The following CELF1 variants were observed in gnomAD, a reference collection of about 807,000 sequenced individuals.
CELF1 encodes the protein 50 kDa nuclear polyadenylated RNA-binding protein.
CELF1 carries 10 observed loss-of-function variants against 61.8 expected under a neutral mutation model. That is an observed-to-expected ratio of 0.16 (90% CI 0.10 to 0.27). The LOEUF (loss-of-function observed/expected upper bound fraction) is 0.27. Ranked by LOEUF, CELF1 falls within the 10% of genes least tolerant of loss-of-function variation. The pLI, the probability that CELF1 is intolerant of heterozygous loss-of-function variation, is 1.00. For missense variants in CELF1, 380 were observed against 639.1 expected (o/e 0.59, Z 4.37); for synonymous variants, 236 against 225.1 (o/e 1.05, Z -0.43).
intron 1 of CELF1, among the ~76,000 whole-genome samples, chr11:47,547,498 T>A (rs1216403008): frequency 6.6e-6 from 1 of 151,632 alleles, no homozygotes; most frequent in Non-Finnish European, 1.5e-5. Context: ...GCCAAAATGG[T>A]GAAACCCCAT....
rs574196562 is a variant in CELF1 at position 47,534,837 on chromosome 11, G to C, written c.-154+18155C>G. ...TAAATGTGATGTTAAATTACGTTTA[G>C]GGAGATGAACTGCCACTCCCAGCTA... On this transcript the variant is annotated intron_variant, in intron 1 of 14. Coordinates refer to ENST00000687097, the MANE Select transcript of CELF1 (RefSeq NM_001376376.1). Among the ~76,000 whole-genome samples the C allele has an allele frequency of 8.5e-5, 13 of 152,168 alleles. No homozygotes were observed. In the East Asian group the frequency reaches 2.3e-3, roughly 27 times the overall value.
chr11:47,526,098 G>A (rs1223906823), intron 1 of CELF1, among the ~76,000 whole-genome samples: 1 of 152,104 alleles, frequency 6.6e-6, no homozygotes, highest in Non-Finnish European at 1.5e-5. Context: ...GGGAGGCCAA[G>A]GTGGGCAGAT....
chr11:47,553,132 C>G lies in CELF1; in HGVS notation c.-294G>C, dbSNP rs1020165522. 2 of 396,318 alleles carry G rather than the reference C, an allele frequency of 5.0e-6. No individual in the cohort carries two copies. Among genetic ancestry groups the G allele is most frequent in the Non-Finnish European group, 4.5e-6 (1 of 224,468 alleles). 24.6% of individuals were successfully genotyped at this position (396,318 alleles called of 1,614,324 possible). On this transcript the variant is annotated 5_prime_UTR_variant, in exon 1 of 15. Transcript: ENST00000687097. The stretch of plus-strand genomic sequence containing the variant: ...CTGCCGCTGCCGCCAGAGCAGAACA[C>G]CCCAAAATGGCGGCACTTCCGGCAC...
At position 47,466,695 on chromosome 11, in the gene CELF1, A is replaced by G. The variant is rs1263112546; in HGVS notation, c.*5535T>C. The stretch of plus-strand genomic sequence containing the variant: ...CAATCAGAGAGAGAAAAGGAAAAGG[A>G]AACAACGTCCAACATTTGGCATTTG... On this transcript the variant is annotated 3_prime_UTR_variant, in exon 15 of 15. Coordinates refer to ENST00000687097, the MANE Select transcript of CELF1 (RefSeq NM_001376376.1). 1 of 152,230 alleles carries G rather than the reference A, an allele frequency of 6.6e-6. No individual in the cohort carries two copies. The highest frequency in any genetic ancestry group is 6.5e-5 in the Admixed American group (1 of 15,286). 9.4% of individuals were successfully genotyped at this position (152,230 alleles called of 1,614,324 possible). A position where few individuals can be genotyped will look rare whatever the true frequency, so the allele number is the denominator to read the frequency against.
In CELF1 at chr11:47,547,090, A is replaced by G. The variant is rs1007895232; in HGVS notation, c.-154+5902T>C. On this transcript the variant is annotated intron_variant, in intron 1 of 14. Coordinates refer to ENST00000687097, the MANE Select transcript of CELF1 (RefSeq NM_001376376.1). ...CAAAAAAAAAAAAAAAAAAAAAAAA[A>G]AAAGAAAGAAAGAAAATGCTGTATA... 3.7e-4 allele frequency among the ~76,000 whole-genome samples: 54 copies of G among 145,630 alleles called. 1 individual carries two copies. Among genetic ancestry groups the G allele is most frequent in the Admixed American group, 1.8e-3 (25 of 14,138 alleles).
At chr11:47,480,090 T>C (rs115120139) in intron 9 of CELF1, among the ~76,000 whole-genome samples, 1 of 134,556 alleles carries the variant, frequency 7.4e-6, no homozygotes, top group African/African-American at 2.9e-5. Context: ...ACGTCTACAC[T>C]TTTTTTTTTT....
At chr11:47,546,134 T>A (rs1031213008) in intron 1 of CELF1, among the ~76,000 whole-genome samples, 1 of 151,466 alleles carries the variant, frequency 6.6e-6, no homozygotes, top group African/African-American at 2.4e-5. Flanking sequence ...ATGGTCTCGA[T>A]CTCCTGACCT....
chr11:47,552,868 C>A (rs1286814968), intron 1 of CELF1, 124 bp downstream of exon 1: 13 of 395,320 alleles, frequency 3.3e-5, no homozygotes, highest in Non-Finnish European at 5.8e-5. Flanking sequence ...CGAGAAAAGG[C>A]CGCGCCCGGA....
At chr11:47,512,549 A>C (rs1422448828) in intron 1 of CELF1, among the ~76,000 whole-genome samples, 2 of 150,270 alleles carry the variant, frequency 1.3e-5, no homozygotes, top group African/African-American at 4.9e-5. Flanking sequence ...CATGTTAGCC[A>C]GGGTGGTCTC....
At chr11:47,559,486 T>C (rs1170922483) in intron 2 of CELF1, among the ~76,000 whole-genome samples, 1 of 151,900 alleles carries the variant, frequency 6.6e-6, no homozygotes, top group Non-Finnish European at 1.5e-5. Context: ...GCCTCCCAAG[T>C]AGCTGGGACT....
intron 1 of CELF1, among the ~76,000 whole-genome samples, chr11:47,538,458 A>G (rs1208430382): frequency 7.9e-5 from 12 of 152,058 alleles, no homozygotes; most frequent in Admixed American, 7.9e-4. Context: ...CCTGGCCAAC[A>G]CGGTGAAACC....
chr11:47,510,390 C>T (rs1261346705), intron 1 of CELF1, among the ~76,000 whole-genome samples: 1 of 152,170 alleles, frequency 6.6e-6, no homozygotes, highest in African/African-American at 2.4e-5. Flanking sequence ...TTACATAGCA[C>T]GTGCTAGATC....
intron 1 of CELF1, among the ~76,000 whole-genome samples, chr11:47,517,312 T>C (rs1303752283): frequency 2.7e-5 from 4 of 150,166 alleles, no homozygotes; most frequent in Non-Finnish European, 5.9e-5. Flanking sequence ...ATCCCAGTTC[T>C]AGAAATATAG....
rs150017688 is a variant in CELF1 at position 47,552,365 on chromosome 11, A to G, written c.-154+627T>C. The stretch of plus-strand genomic sequence containing the variant: ...AATCAAAGCCTGGTCCCTAGCGAAG[A>G]AAGCGCTTTAATGTGCTCCTCCCGC... On this transcript the variant is annotated intron_variant, in intron 1 of 14. Transcript: ENST00000687097. Among the ~76,000 whole-genome samples the G allele has an allele frequency of 6.6e-4, 100 of 152,356 alleles. 1 individual carries two copies. The highest frequency in any genetic ancestry group is 2.4e-3 in the African/African-American group (98 of 41,590).
At chr11:47,492,826 G>A (rs1260617664) in intron 3 of CELF1, among the ~76,000 whole-genome samples, 1 of 152,176 alleles carries the variant, frequency 6.6e-6, no homozygotes, top group Non-Finnish European at 1.5e-5. Flanking sequence ...CATTTTACTA[G>A]AATGTTGCTA....
At chr11:47,534,218 T>C (rs1002626884) in intron 1 of CELF1, among the ~76,000 whole-genome samples, 1 of 150,976 alleles carries the variant, frequency 6.6e-6, no homozygotes, top group African/African-American at 2.4e-5. Context: ...CTAGTAGAGA[T>C]GGGGTTTCAC....
intron 1 of CELF1, among the ~76,000 whole-genome samples, chr11:47,544,996 G>T (rs1299839625): frequency 6.6e-6 from 1 of 151,958 alleles, no homozygotes; most frequent in African/African-American, 2.4e-5. Context: ...AAGAATCAAA[G>T]AATAGGCCAG....
upstream of CELF1, chr11:47,553,180 A>T (rs917399280): frequency 5.4e-5 from 21 of 392,490 alleles, no homozygotes; most frequent in Non-Finnish European, 8.6e-5. Context: ...GGGAGGGCAG[A>T]GGAGGAGGGG....
At chr11:47,508,207 C>G (rs1487647460) in intron 1 of CELF1, among the ~76,000 whole-genome samples, 1 of 152,136 alleles carries the variant, frequency 6.6e-6, no homozygotes, top group Non-Finnish European at 1.5e-5. Context: ...AGATGGTAGA[C>G]AGCAAGTTAA....
Sources: allele counts gnomAD v4.1 joint callset (sites outside exome capture counted in the v4.1 genomes callset), GRCh38; gene constraint gnomAD v4.1.1; transcripts MANE v1.5; gene names NCBI Gene and HGNC (gene_info 2026-07-23, HGNC 2026-07-21).